Variants in MGAT3 observed in about 807,000 individuals in gnomAD.
The protein encoded by MGAT3 is beta-1,4-mannosyl-glycoprotein 4-beta-N-acetylglucosaminyltransferase.
A neutral mutation model predicts 29.8 loss-of-function variants in MGAT3; 9 were observed. The observed-to-expected ratio is 0.30, with a 90% CI of 0.18 to 0.53. The LOEUF (loss-of-function observed/expected upper bound fraction) is 0.53, where lower values mean the gene tolerates loss of function less well. Ranked by LOEUF, MGAT3 falls within the 20% of genes least tolerant of loss-of-function variation. MGAT3 has a pLI of 0.96. For synonymous variants in MGAT3, 397 were observed against 348.9 expected (o/e 1.14, Z -1.54); for missense variants, 557 against 769.5 (o/e 0.72, Z 3.27).
Position 39,457,194 on chromosome 22 carries a change from C to T in MGAT3, c.-365C>T, listed in dbSNP as rs975358055. On this transcript the variant is annotated 5_prime_UTR_variant, in exon 1 of 2. Transcript: ENST00000341184. The surrounding 1 kb of genome is among the most constrained non-coding windows in gnomAD (Gnocchi z 6.8). ...GGGTGGGGGCCGGAGCCGCTTGAGC[C>T]GGCGGGAGCGGGCACCCCTGCGCGC... 2.8e-5 allele frequency: 4 copies of T among 142,928 alleles called. No homozygotes were observed. The highest frequency in any genetic ancestry group is 1.0e-4 in the African/African-American group (4 of 39,934). 8.9% of individuals were successfully genotyped at this position (142,928 alleles called of 1,614,324 possible). A position where few individuals can be genotyped will look rare whatever the true frequency, so the allele number is the denominator to read the frequency against.
At position 39,461,659 on chromosome 22, in the gene MGAT3, A is replaced by G. The variant is rs144390416; in HGVS notation, c.-2+4102A>G. ...GTCCCCTGTAACTCTGTTGTCCATC[A>G]AAAGCTTCCTCATGACCCCCTTCCT... On this transcript the variant is annotated intron_variant, in intron 1 of 1. Transcript: ENST00000341184. 1.1e-4 allele frequency among the ~76,000 whole-genome samples: 16 copies of G among 152,208 alleles called. No homozygotes were observed. The East Asian group carries it at 3.1e-3, about 29-fold the overall frequency.
intron 1 of MGAT3, chr22:39,476,874 G>A (rs1282662761): frequency 1.3e-5 from 2 of 152,208 alleles, no homozygotes; most frequent in Non-Finnish European, 2.9e-5. Context: ...CGTCCCTGTG[G>A]ATGGTTGTCA....
At chr22:39,459,771 G>A (rs1281610657) in intron 1 of MGAT3, among the ~76,000 whole-genome samples, 1 of 152,240 alleles carries the variant, frequency 6.6e-6, no homozygotes, top group African/African-American at 2.4e-5. Flanking sequence ...GGAGAATTTT[G>A]AATGGAATGA....
intron 1 of MGAT3, chr22:39,477,395 A>C (rs1486732722): frequency 6.6e-6 from 1 of 152,200 alleles, no homozygotes; most frequent in Non-Finnish European, 1.5e-5. Context: ...AGTCAGGGTG[A>C]AGCAGCCCCG....
In MGAT3 at chr22:39,457,996, C is replaced by T. The variant is rs930618739; in HGVS notation, c.-2+439C>T. ...CGCCTTCCCCACCCCCGACCCCAGA[C>T]TGCGGCGGCGGCAGCCGAGGCCCAA... On this transcript the variant is annotated intron_variant, in intron 1 of 1. Transcript: ENST00000341184. This position sits in a 1 kb window ranked among gnomAD's most constrained non-coding sequence, Gnocchi z 6.8. 6.6e-6 allele frequency among the ~76,000 whole-genome samples: 1 copy of T among 152,066 alleles called. No homozygotes were observed. The highest frequency in any genetic ancestry group is 2.4e-5 in the African/African-American group (1 of 41,436).
chr22:39,470,483 G>A (rs1057214158), intron 1 of MGAT3, among the ~76,000 whole-genome samples: 1 of 152,228 alleles, frequency 6.6e-6, no homozygotes, highest in Non-Finnish European at 1.5e-5. Context: ...TCCATGGCAC[G>A]CAGAGGAGTT....
At chr22:39,476,997 G>C (rs957782994) in intron 1 of MGAT3, among the ~76,000 whole-genome samples, 1 of 152,162 alleles carries the variant, frequency 6.6e-6, no homozygotes, top group Non-Finnish European at 1.5e-5. Context: ...GCCTCTACCT[G>C]TCTCCCCATG....
rs1601733040 is a variant in MGAT3, at chr22:39,490,285, G to C, written c.*1336G>C. The C allele has an allele frequency of 6.0e-6, 1 of 167,074 alleles. No individual in the cohort carries two copies. 10.3% of individuals were successfully genotyped at this position (167,074 alleles called of 1,614,324 possible). ...AGGGCACACCCACTTTTTGCTAAAGGCATGAGCCAGAATTGGCAGGCTCAC... is the reference window on the plus strand; with the variant it reads ...AGGGCACACCCACTTTTTGCTAAAGCCATGAGCCAGAATTGGCAGGCTCAC... On this transcript the variant is annotated 3_prime_UTR_variant, in exon 2 of 2. Coordinates refer to ENST00000341184, the MANE Select transcript of MGAT3 (RefSeq NM_002409.5).
chr22:39,482,147 A>ATTT (rs11380222), intron 1 of MGAT3, among the ~76,000 whole-genome samples: 43 of 134,070 alleles, frequency 3.2e-4, no homozygotes, highest in African/African-American at 1.0e-3. Flanking sequence ...GGCACTGCTA[A>ATTT]TTTTTTTTTT....
chr22:39,459,402 G>T (rs1408663998), intron 1 of MGAT3, among the ~76,000 whole-genome samples: 1 of 152,070 alleles, frequency 6.6e-6, no homozygotes, highest in East Asian at 1.9e-4. Context: ...GTAGTAACTG[G>T]ACCACCTCAG....
chr22:39,476,989 C>G (rs943610263), intron 1 of MGAT3, among the ~76,000 whole-genome samples: 9 of 152,152 alleles, frequency 5.9e-5, no homozygotes, highest in African/African-American at 2.2e-4. Context: ...CAGCCACCGC[C>G]TCTACCTGTC....
Position 39,488,826 on chromosome 22 carries a change from G to A in MGAT3, c.1479G>A (p.Arg493=), listed in dbSNP as rs1233354753. The A allele has an allele frequency of 1.2e-6, 2 of 1,609,840 alleles. No homozygotes were observed. The highest frequency in any genetic ancestry group is 4.5e-5 in the East Asian group (2 of 44,738). ...AGTACCTGCTGAAGAACTACGACCG[G>A]TTCCACTACCTGCTGGACAACCCCT... is the stretch of plus-strand genomic sequence containing the variant. ...APKYLLKNYD[R]FHYLLDNPYQ... is the part of the protein sequence containing the mutation. Residue 493 remains arginine (R), a synonymous_variant, in exon 2 of 2, where the codon CGG becomes CGA. Coordinates refer to ENST00000341184, the MANE Select transcript of MGAT3 (RefSeq NM_002409.5).
At chr22:39,485,308 C>G (rs1225654864) in intron 1 of MGAT3, among the ~76,000 whole-genome samples, 1 of 152,154 alleles carries the variant, frequency 6.6e-6, no homozygotes, top group African/African-American at 2.4e-5. Context: ...GGCTGCACGG[C>G]TCATTCATAA....
chr22:39,487,478 A>T lies in MGAT3; in HGVS notation c.131A>T (p.Asn44Ile). ...CGAGAACTGGCCTCCCTCAGCCCTA[A>T]CCTGGTGTCCAGCTTTTTCTGGAAC... ...FPRELASLSP[N>I]LVSSFFWNNA... Residue 44 changes from asparagine (N) to isoleucine (I), a missense_variant, in exon 2 of 2, where the codon AAC becomes ATC. By Grantham distance (149) the Asn-to-Ile change is moderately radical (BLOSUM62 -3). Around this residue, in one of 3 missense-constraint regions of MGAT3, gnomAD observed 212 missense variants for 228.5 expected, o/e 0.93. Coordinates refer to ENST00000341184, the MANE Select transcript of MGAT3 (RefSeq NM_002409.5). This position sits in a 1 kb window ranked among gnomAD's most constrained non-coding sequence, Gnocchi z 5.7. 3 of 1,612,572 alleles carry T rather than the reference A, an allele frequency of 1.9e-6. No individual in the cohort carries two copies. The highest frequency in any genetic ancestry group is 2.5e-6 in the Non-Finnish European group (3 of 1,179,708).
intron 1 of MGAT3, among the ~76,000 whole-genome samples, chr22:39,479,417 G>C (rs918568990): frequency 7.2e-5 from 11 of 152,066 alleles, no homozygotes; most frequent in African/African-American, 2.7e-4. Context: ...GCGGGGTGGG[G>C]GTGGAGCCTC....
intron 1 of MGAT3, among the ~76,000 whole-genome samples, chr22:39,475,066 C>G (rs1357915551): frequency 6.6e-6 from 1 of 151,632 alleles, no homozygotes; most frequent in East Asian, 1.9e-4. Context: ...ACCCCCTCCT[C>G]AGGGCCTCCA....
rs1026615905 is a variant in MGAT3 at position 39,463,134 on chromosome 22, T to G, written c.-2+5577T>G. On this transcript the variant is annotated intron_variant, in intron 1 of 1. Transcript: ENST00000341184. Reference sequence around the variant, plus strand: ...CCTCCCCACCTTGGCCTCCGGGTCATCATAATTTGCTGCTCTTTATCAAGC... The same window carrying G: ...CCTCCCCACCTTGGCCTCCGGGTCAGCATAATTTGCTGCTCTTTATCAAGC... 4.6e-5 allele frequency among the ~76,000 whole-genome samples: 7 copies of G among 152,316 alleles called. No homozygotes were observed. In the East Asian group the frequency reaches 9.7e-4, roughly 21 times the overall value.
At chr22:39,479,287 C>T (rs775377746) in intron 1 of MGAT3, among the ~76,000 whole-genome samples, 2 of 152,212 alleles carry the variant, frequency 1.3e-5, no homozygotes, top group Non-Finnish European at 2.9e-5. Context: ...TGCAGTGAAC[C>T]TTGACCACCC....
intron 1 of MGAT3, among the ~76,000 whole-genome samples, chr22:39,461,197 A>G (rs1224021353): frequency 1.3e-5 from 2 of 152,174 alleles, no homozygotes; most frequent in Non-Finnish European, 2.9e-5. Flanking sequence ...TGCCAGCTTT[A>G]GTCCCCAGGC....
Sources: allele counts gnomAD v4.1 joint callset (sites outside exome capture counted in the v4.1 genomes callset), GRCh38; gene constraint gnomAD v4.1.1; regional missense constraint gnomAD v4.1.1; non-coding constraint Gnocchi (gnomAD v3.1); transcripts MANE v1.5; gene names NCBI Gene and HGNC (gene_info 2026-07-23, HGNC 2026-07-21).